Variants in CLCN1 observed in about 807,000 individuals in gnomAD.
CLCN1 encodes the protein chloride voltage-gated channel 1.
Under a neutral mutation model 114.5 loss-of-function variants are expected in CLCN1, and 100 were observed. That is an observed-to-expected ratio of 0.87 (90% CI 0.74 to 1.03). The LOEUF (loss-of-function observed/expected upper bound fraction) is 1.03, where lower values mean the gene tolerates loss of function less well. Among genes scored for constraint, CLCN1 ranks in the 50% least tolerant of loss-of-function variants. The probability of loss-of-function intolerance (pLI) is 0.00; values close to 1 mark genes in which losing one functional copy is unlikely to be tolerated. For synonymous variants in CLCN1, 485 were observed against 487.1 expected (o/e 1.00, Z 0.06); for missense variants, 1,188 against 1,250.0 (o/e 0.95, Z 0.75).
At chr7:143,331,153 C>A in intron 8 of CLCN1, 79 bp from the exon 9 acceptor site, 1 of 1,181,892 alleles carries the variant, frequency 8.5e-7, no homozygotes, top group Non-Finnish European at 1.3e-6. Flanking sequence ...AGGAATTAAT[C>A]CTGAAAACTG....
At chr7:143,343,934 G>C (rs1803157864) in intron 16 of CLCN1, among the ~76,000 whole-genome samples, 1 of 152,122 alleles carries the variant, frequency 6.6e-6, no homozygotes, top group Admixed American at 6.5e-5. Context: ...CTGTCTCCTG[G>C]GTTCTAAGTG....
In CLCN1 at chr7:143,323,292, C is replaced by T. The variant is rs562398683; in HGVS notation, c.697-17C>T. 2.0e-5 allele frequency: 31 copies of T among 1,554,278 alleles called. No homozygotes were observed. The highest frequency in any genetic ancestry group is 3.3e-5 in the Admixed American group (2 of 59,936). The stretch of plus-strand genomic sequence containing the variant: ...ATCTGGCCTCTGACCCCCGCCCCCT[C>T]GCTCCCCCTCTCCCAGGGCCCCTTC... On this transcript the variant is annotated splice_polypyrimidine_tract_variant and intron_variant, in intron 5 of 22. Transcript: ENST00000343257.
chr7:143,337,956 A>G (rs1316313378), intron 12 of CLCN1, among the ~76,000 whole-genome samples: 1 of 150,868 alleles, frequency 6.6e-6, no homozygotes, highest in Non-Finnish European at 1.5e-5. Context: ...CCTCCCAAGT[A>G]GCTGGGACTA....
At chr7:143,326,714 G>T (rs1014718745) in intron 7 of CLCN1, among the ~76,000 whole-genome samples, 2 of 152,144 alleles carry the variant, frequency 1.3e-5, no homozygotes, top group African/African-American at 4.8e-5. Flanking sequence ...GTCAAGATGG[G>T]GGCAGTAGCT....
intron 12 of CLCN1, among the ~76,000 whole-genome samples, chr7:143,336,054 G>A (rs1028135939): frequency 1.3e-5 from 2 of 152,140 alleles, no homozygotes; most frequent in African/African-American, 4.8e-5. Flanking sequence ...CAAGAGAAGA[G>A]CTTTTACAAT....
chr7:143,331,941 G>A (rs1000045147), intron 10 of CLCN1, among the ~76,000 whole-genome samples: 7 of 152,174 alleles, frequency 4.6e-5, no homozygotes, highest in African/African-American at 1.4e-4. Context: ...CGATTCTCAT[G>A]CCTCAGCCTC....
intron 7 of CLCN1, among the ~76,000 whole-genome samples, chr7:143,329,397 A>G (rs1383697496): frequency 6.6e-6 from 1 of 152,148 alleles, no homozygotes; most frequent in Non-Finnish European, 1.5e-5. Flanking sequence ...CCTGAAGAGG[A>G]GGATTGGGGA....
chr7:143,351,694 C>A lies in CLCN1; in HGVS notation c.2696C>A (p.Ala899Glu). 6.2e-7 allele frequency: 1 copy of A among 1,614,206 alleles called. No individual in the cohort carries two copies. The highest frequency in any genetic ancestry group is 8.5e-7 in the Non-Finnish European group (1 of 1,180,032). The change falls in exon 23 of 23, where the codon GCA becomes GAA. Residue 899 changes from alanine to glutamate, a missense_variant. Coordinates refer to ENST00000343257, the MANE Select transcript of CLCN1 (RefSeq NM_000083.3). Reference sequence around the variant, plus strand: ...ACTTCAACTCGAAAGAGTACCGGGGCACCTCCATCTTCTGCAGAGAACTGG... The same window carrying A: ...ACTTCAACTCGAAAGAGTACCGGGGAACCTCCATCTTCTGCAGAGAACTGG... ...NTTSTRKSTG[A>E]PPSSAENWNL...
chr7:143,345,440 T>G, intron 16 of CLCN1, 81 bp from the exon 17 acceptor site: 2 of 1,446,810 alleles, frequency 1.4e-6, no homozygotes, highest in Non-Finnish European at 1.8e-6. Flanking sequence ...GCGCCTCTCC[T>G]GTTCCTTCTC....
At chr7:143,333,713 T>C (rs941000196) in intron 12 of CLCN1, among the ~76,000 whole-genome samples, 61 of 152,216 alleles carry the variant, frequency 4.0e-4, no homozygotes, top group Admixed American at 2.6e-4. Flanking sequence ...CATGTTATTA[T>C]TCTCTATTTA....
Position 143,331,586 on chromosome 7 carries a change from A to G in CLCN1, c.1100A>G (p.Tyr367Cys). Reference protein sequence around the residue: ...CCGLLGAVFVYLHRQVMLGVR... With the variant: ...CCGLLGAVFVCLHRQVMLGVR... ...GGGCTCCTGGGAGCTGTATTTGTGTATCTGCATCGCCAAGTCATGCTCGGT... is the reference window on the plus strand; with the variant it reads ...GGGCTCCTGGGAGCTGTATTTGTGTGTCTGCATCGCCAAGTCATGCTCGGT... The change falls in exon 10 of 23, where the codon TAT becomes TGT. Residue 367 changes from tyrosine (Y) to cysteine (C), a missense_variant. Physicochemically the swap from Tyr to Cys is radical, Grantham distance 194. Coordinates refer to ENST00000343257, the MANE Select transcript of CLCN1 (RefSeq NM_000083.3). 6.2e-7 allele frequency: 1 copy of G among 1,614,162 alleles called. No homozygotes were observed. Among genetic ancestry groups the G allele is most frequent in the Non-Finnish European group, 8.5e-7 (1 of 1,180,008 alleles).
intron 12 of CLCN1, among the ~76,000 whole-genome samples, chr7:143,334,072 G>A (rs868452874): frequency 6.6e-6 from 1 of 152,174 alleles, no homozygotes; most frequent in Non-Finnish European, 1.5e-5. Context: ...AATTAACCAG[G>A]TGTGGTGGCA....
rs917405018 is a variant in CLCN1, at chr7:143,346,388, G to A, written c.2284+137G>A. 2.4e-5 allele frequency: 18 copies of A among 748,748 alleles called. No individual in the cohort carries two copies. In the Admixed American group the frequency reaches 2.6e-4, roughly 11 times the overall value. The allele number at this position is 748,748 out of a possible 1,614,324, so 46.4% of individuals were successfully genotyped here. The stretch of plus-strand genomic sequence containing the variant: ...GGCTGGGGGATTGAGGGAGGACAGG[G>A]TTCTTATTCATCAATTCTCCTTGTT... On this transcript the variant is annotated intron_variant, in intron 18 of 22. Transcript: ENST00000343257.
At chr7:143,336,396 G>A (rs1235600412) in intron 12 of CLCN1, among the ~76,000 whole-genome samples, 1 of 151,772 alleles carries the variant, frequency 6.6e-6, no homozygotes, top group Non-Finnish European at 1.5e-5. Flanking sequence ...GATCACCTGA[G>A]GTCAAGAGTT....
intron 1 of CLCN1, among the ~76,000 whole-genome samples, chr7:143,317,335 G>A (rs750198071): frequency 2.9e-5 from 4 of 139,204 alleles, no homozygotes; most frequent in East Asian, 2.2e-4. Context: ...TGCGACCTCC[G>A]CCTCCCGGGT....
Position 143,339,294 on chromosome 7 carries a change from C to T in CLCN1, c.1443C>T (p.Cys481=), listed in dbSNP as rs781587827. 32 of 1,612,758 alleles carry T rather than the reference C, an allele frequency of 2.0e-5. No individual in the cohort carries two copies. The highest frequency in any genetic ancestry group is 5.0e-5 in the Admixed American group (3 of 60,004). Residue 481 remains cysteine (C), a synonymous_variant, in exon 13 of 23, where the codon TGC becomes TGT. Coordinates refer to ENST00000343257, the MANE Select transcript of CLCN1 (RefSeq NM_000083.3). The surrounding 1 kb of genome is among the most constrained non-coding windows in gnomAD (Gnocchi z 4.1). ...TGGCCACCACTATGCCCATACCCTG[C>T]GGAGGCTTCATGCCTGTGTTTGTGC... is the stretch of plus-strand genomic sequence containing the variant. ...SIVATTMPIP[C]GGFMPVFVLG... is the part of the protein sequence containing the mutation.
Position 143,351,882 on chromosome 7 carries a change from C to T in CLCN1, c.2884C>T (p.Leu962=). 6.2e-7 allele frequency: 1 copy of T among 1,614,068 alleles called. No homozygotes were observed. Among genetic ancestry groups the T allele is most frequent in the Non-Finnish European group, 8.5e-7 (1 of 1,179,984 alleles). ...EELELVESPG[L]EEELADILQG... is the part of the protein sequence containing the mutation. ...GCTGGAGCTGGTGGAGAGTCCAGGG[C>T]TGGAAGAGGAGCTGGCCGACATCTT... Residue 962 remains leucine, a synonymous_variant, in exon 23 of 23, where the codon CTG becomes TTG. Transcript: ENST00000343257.
rs755211647 is a variant in CLCN1 at position 143,339,622 on chromosome 7, G to A, written c.1582+1G>A. ...CTACCTGGGGGCTATGCAGTAATTG[G>A]TGAGAAACATTCCCACTTCCCTGTA... is the stretch of plus-strand genomic sequence containing the variant. On this transcript the variant is annotated splice_donor_variant, in intron 14 of 22. Transcript: ENST00000343257. LOFTEE classifies it high-confidence loss of function. The surrounding 1 kb of genome is among the most constrained non-coding windows in gnomAD (Gnocchi z 4.1). The A allele has an allele frequency of 7.7e-6, 12 of 1,563,668 alleles. No individual in the cohort carries two copies. The highest frequency in any genetic ancestry group is 1.1e-5 in the Non-Finnish European group (12 of 1,134,024).
chr7:143,345,878 AAGAGGGAGGGGAGAGTCTGGT>A (rs1466408376), intron 17 of CLCN1, 116 bp downstream of exon 17: 1 of 1,426,926 alleles, frequency 7.0e-7, no homozygotes, highest in African/African-American at 1.4e-5. Flanking sequence ...AAGTAGTGGG[AAGAGGGAGGGGAGAGTCTGGT>A]AACTGAGAAA....
Sources: allele counts gnomAD v4.1 joint callset (sites outside exome capture counted in the v4.1 genomes callset), GRCh38; gene constraint gnomAD v4.1.1; non-coding constraint Gnocchi (gnomAD v3.1); transcripts MANE v1.5; gene names NCBI Gene and HGNC (gene_info 2026-07-23, HGNC 2026-07-21).